The following BBS9 variants were observed in gnomAD, a reference collection of about 807,000 sequenced individuals.
The protein encoded by BBS9 is protein PTHB1.
In BBS9, 89 loss-of-function variants were observed where a neutral mutation model predicts 117.7. That is an observed-to-expected ratio of 0.76 (90% confidence interval 0.64 to 0.90). The LOEUF (loss-of-function observed/expected upper bound fraction) is 0.90. Among genes scored for constraint, BBS9 ranks in the 40% least tolerant of loss-of-function variants. BBS9 has a pLI of 0.00. For synonymous variants in BBS9, 379 were observed against 370.9 expected (o/e 1.02, Z -0.25); for missense variants, 982 against 1,042.2 (o/e 0.94, Z 0.80).
At chr7:33,453,358 A>T (rs1454511726) in intron 19 of BBS9, among the ~76,000 whole-genome samples, 1 of 152,090 alleles carries the variant, frequency 6.6e-6, no homozygotes, top group African/African-American at 2.4e-5. Context: ...AACTACACAG[A>T]TCCACTTATA....
chr7:33,140,295 A>T (rs533312670), intron 1 of BBS9, among the ~76,000 whole-genome samples: 1 of 152,262 alleles, frequency 6.6e-6, no homozygotes, highest in South Asian at 2.1e-4. Context: ...AAGTGCTGGG[A>T]TTACAGGCAT....
chr7:33,601,488 T>G (rs768289059), intron 21 of BBS9, among the ~76,000 whole-genome samples: 5 of 152,162 alleles, frequency 3.3e-5, no homozygotes, highest in African/African-American at 4.8e-5. Context: ...TATTCTTTTG[T>G]TTGCTTAACC....
intron 19 of BBS9, among the ~76,000 whole-genome samples, chr7:33,432,555 C>T (rs1177984335): frequency 6.6e-6 from 1 of 152,026 alleles, no homozygotes; most frequent in Non-Finnish European, 1.5e-5. Context: ...TTAAGGTGTT[C>T]TTTTTGGCCA....
intron 2 of BBS9, among the ~76,000 whole-genome samples, chr7:33,150,938 G>A (rs1230640737): frequency 6.6e-6 from 1 of 152,168 alleles, no homozygotes; most frequent in African/African-American, 2.4e-5. Context: ...TTAAAATAAA[G>A]TTACTCTTGT....
At chr7:33,397,449 C>T (rs751326904) in intron 19 of BBS9, among the ~76,000 whole-genome samples, 42 of 152,062 alleles carry the variant, frequency 2.8e-4, no homozygotes, top group Non-Finnish European at 3.4e-4. Context: ...ACCATTTGAC[C>T]GAGCAATCCC....
intron 20 of BBS9, among the ~76,000 whole-genome samples, chr7:33,508,613 C>T (rs28619003): frequency 0.11 from 16,681 of 152,222 alleles, 1,019 homozygotes; most frequent in African/African-American, 0.15. Flanking sequence ...TATACACGTG[C>T]TTCATTGCTC....
At chr7:33,592,662 C>G (rs1392688059) in intron 21 of BBS9, among the ~76,000 whole-genome samples, 1 of 152,006 alleles carries the variant, frequency 6.6e-6, no homozygotes, top group East Asian at 1.9e-4. Flanking sequence ...AAGCCAGTGA[C>G]CCAGCTGGAC....
At chr7:33,426,079 G>A (rs1056757134) in intron 19 of BBS9, among the ~76,000 whole-genome samples, 4 of 152,094 alleles carry the variant, frequency 2.6e-5, no homozygotes, top group Non-Finnish European at 4.4e-5. Flanking sequence ...TGAAGAGAAC[G>A]GAAACATTGC....
chr7:33,213,764 A>G (rs1228769849), intron 5 of BBS9, among the ~76,000 whole-genome samples: 1 of 152,104 alleles, frequency 6.6e-6, no homozygotes, highest in African/African-American at 2.4e-5. Flanking sequence ...GGGTGTGTCT[A>G]GAAATGTCAT....
At chr7:33,417,672 A>G (rs1832227114) in intron 19 of BBS9, among the ~76,000 whole-genome samples, 1 of 152,220 alleles carries the variant, frequency 6.6e-6, no homozygotes, top group African/African-American at 2.4e-5. Context: ...GTTTTAGTAT[A>G]TGCCTAACTA....
chr7:33,442,228 C>A (rs1372982276), intron 19 of BBS9, among the ~76,000 whole-genome samples: 2 of 152,116 alleles, frequency 1.3e-5, no homozygotes, highest in Non-Finnish European at 2.9e-5. Flanking sequence ...CACTTTCAGT[C>A]AGTTTGACAG....
intron 19 of BBS9, among the ~76,000 whole-genome samples, chr7:33,445,754 C>T (rs897414714): frequency 2.6e-5 from 4 of 152,104 alleles, no homozygotes; most frequent in African/African-American, 9.7e-5. Flanking sequence ...GGGGGCAGTT[C>T]CCCCATGCTG....
chr7:33,195,951 T>A (rs1241910109), intron 5 of BBS9, among the ~76,000 whole-genome samples: 1 of 152,132 alleles, frequency 6.6e-6, no homozygotes, highest in African/African-American at 2.4e-5. Flanking sequence ...ATACTGTATA[T>A]AAAAGGTTCA....
chr7:33,532,651 G>C (rs1278393093), intron 20 of BBS9, among the ~76,000 whole-genome samples: 1 of 152,130 alleles, frequency 6.6e-6, no homozygotes, highest in Non-Finnish European at 1.5e-5. Flanking sequence ...CCCATGACAC[G>C]TGGGGTTATG....
intron 5 of BBS9, among the ~76,000 whole-genome samples, chr7:33,251,112 A>G (rs1447121684): frequency 6.6e-6 from 1 of 152,188 alleles, no homozygotes; most frequent in Non-Finnish European, 1.5e-5. Flanking sequence ...TGACTTCAGT[A>G]TCTACAGGAA....
intron 9 of BBS9, among the ~76,000 whole-genome samples, chr7:33,329,233 C>T (rs919776062): frequency 6.6e-6 from 1 of 152,052 alleles, no homozygotes; most frequent in African/African-American, 2.4e-5. Context: ...GTTGGGCAGA[C>T]TGGTCTCGAA....
chr7:33,280,918 T>G (rs1035918029), intron 9 of BBS9, among the ~76,000 whole-genome samples: 14 of 147,002 alleles, frequency 9.5e-5, no homozygotes, highest in East Asian at 2.0e-4. Flanking sequence ...TTTGTTTTTT[T>G]TTTTTTTTTT....
Position 33,367,754 on chromosome 7 carries a change from CT to C in BBS9, c.1694-9del. The C allele has an allele frequency of 6.2e-7, 1 of 1,612,782 alleles. No individual in the cohort carries two copies. Among genetic ancestry groups the C allele is most frequent in the South Asian group, 1.1e-5 (1 of 91,048 alleles). ...TCTGGTTACATAAGGTGATTTCTCT[CT>C]TTTCTTTGTAGGTTTTGCCAGTCAG... On this transcript the variant is annotated splice_polypyrimidine_tract_variant and intron_variant, in intron 16 of 22. Coordinates refer to ENST00000242067, the MANE Select transcript of BBS9 (RefSeq NM_198428.3).
chr7:33,166,138 A>G (rs1054477973), intron 4 of BBS9, among the ~76,000 whole-genome samples: 1 of 152,168 alleles, frequency 6.6e-6, no homozygotes, highest in Admixed American at 6.5e-5. Context: ...TCCACTCCAG[A>G]CACTGTTTGT....
Sources: gnomAD v4.1 joint callset for allele counts (sites outside exome capture counted in the v4.1 genomes callset) on GRCh38, gnomAD v4.1.1 for gene constraint, MANE v1.5 for transcripts, NCBI Gene and HGNC (gene_info 2026-07-23, HGNC 2026-07-21) for gene names.